The following VIT variants were observed in gnomAD, a reference collection of about 807,000 sequenced individuals.
VIT encodes vitrin.
In VIT, 99 loss-of-function variants were observed where a neutral mutation model predicts 78.0. The ratio of observed to expected loss-of-function variants is 1.27; its 90% CI spans 1.08 to 1.50. VIT has a LOEUF of 1.50. Ranked by LOEUF, VIT falls within the 40% of genes most tolerant of loss-of-function variation. The pLI, the probability that VIT is intolerant of heterozygous loss-of-function variation, is 0.00. For missense variants in VIT, 1,126 were observed against 875.3 expected (o/e 1.29, Z -3.61); for synonymous variants, 374 against 334.3 (o/e 1.12, Z -1.29).
intron 1 of VIT, among the ~76,000 whole-genome samples, chr2:36,699,774 C>T (rs73924156): frequency 0.011 from 1,601 of 152,192 alleles, 38 homozygotes; most frequent in African/African-American, 0.036. Flanking sequence ...TAACCCCATT[C>T]GGAAAGAATG....
intron 11 of VIT, among the ~76,000 whole-genome samples, chr2:36,784,963 AG>A (rs1455894468): frequency 5.8e-4 from 88 of 152,378 alleles, no homozygotes; most frequent in African/African-American, 2.0e-3. Flanking sequence ...AAGCAAATAG[AG>A]AAACAGCTCA....
chr2:36,780,931 C>A (rs1426654458), intron 9 of VIT, among the ~76,000 whole-genome samples: 3 of 152,040 alleles, frequency 2.0e-5, no homozygotes, highest in Admixed American at 6.6e-5. Context: ...TTGTGCTGTC[C>A]CTGAGCCCCT....
intron 12 of VIT, among the ~76,000 whole-genome samples, chr2:36,799,044 A>G (rs1342241901): frequency 3.9e-5 from 6 of 152,040 alleles, no homozygotes; most frequent in Admixed American, 3.9e-4. Context: ...AATTTCATCT[A>G]TTTGGGTTTT....
chr2:36,738,063 A>G (rs1232512083), intron 3 of VIT, among the ~76,000 whole-genome samples: 1 of 152,218 alleles, frequency 6.6e-6, no homozygotes, highest in African/African-American at 2.4e-5. Flanking sequence ...CTTTGCAGGT[A>G]TTTGGGGTAA....
intron 12 of VIT, among the ~76,000 whole-genome samples, chr2:36,800,068 C>T (rs368623783): frequency 6.7e-5 from 10 of 148,546 alleles, no homozygotes; most frequent in South Asian, 2.2e-4. Flanking sequence ...AAAAAATGGC[C>T]GGGCACGGTG....
intron 2 of VIT, 56 bp from the exon 3 acceptor site, chr2:36,729,370 G>A: frequency 6.8e-7 from 1 of 1,473,022 alleles, no homozygotes; most frequent in Non-Finnish European, 9.2e-7. Flanking sequence ...AGTCAAAAGA[G>A]AAAGAATTTA....
intron 9 of VIT, among the ~76,000 whole-genome samples, chr2:36,776,340 A>G (rs966018827): frequency 1.3e-5 from 2 of 152,190 alleles, no homozygotes; most frequent in Middle Eastern, 3.2e-3. Flanking sequence ...ACATATCACA[A>G]CTGACTGCAG....
chr2:36,805,507 A>G lies in VIT; in HGVS notation c.1232A>G (p.Asn411Ser). ...AATGGAAACAGAAGCGGGGCTCCCA[A>G]TGTGGTGGTGGTGATGGTGGATGGC... ...KANGNRSGAPNVVVVMVDGWP... is the reference protein window; with the variant it reads ...KANGNRSGAPSVVVVMVDGWP... The change falls in exon 14 of 16, where the codon AAT (asparagine) becomes AGT (serine). Residue 411 changes from asparagine (N) to serine (S), a missense_variant. Physicochemically the swap from Asn to Ser is conservative, Grantham distance 46. Coordinates refer to ENST00000379242, the MANE Select transcript of VIT (RefSeq NM_053276.4). 3 of 1,614,028 alleles carry G rather than the reference A, an allele frequency of 1.9e-6. No homozygotes were observed. Among genetic ancestry groups the G allele is most frequent in the Non-Finnish European group, 2.5e-6 (3 of 1,179,978 alleles).
At chr2:36,791,805 G>C (rs942007369) in intron 12 of VIT, among the ~76,000 whole-genome samples, 1 of 152,210 alleles carries the variant, frequency 6.6e-6, no homozygotes, top group African/African-American at 2.4e-5. Context: ...TCGGACTTGG[G>C]ACCTCCGGAA....
chr2:36,758,921 C>T, intron 5 of VIT, 48 bp from the exon 6 acceptor site: 1 of 1,540,282 alleles, frequency 6.5e-7, no homozygotes, highest in Non-Finnish European at 9.0e-7. Flanking sequence ...CCATCTAAAA[C>T]CTCTAGCTCT....
In VIT at chr2:36,709,224, G is replaced by A. The variant is rs371372845; in HGVS notation, c.-18-7129G>A. On this transcript the variant is annotated intron_variant, in intron 1 of 15. Coordinates refer to ENST00000379242, the MANE Select transcript of VIT (RefSeq NM_053276.4). Reference sequence around the variant, plus strand: ...TAGAATGAAGATGGAGTAAGTGCACGTACTATGAAACAGCTATGGCAAGGG... The same window carrying A: ...TAGAATGAAGATGGAGTAAGTGCACATACTATGAAACAGCTATGGCAAGGG... Among the ~76,000 whole-genome samples the A allele has an allele frequency of 5.1e-4, 78 of 152,262 alleles. 1 individual carries two copies. The South Asian group carries it at 0.015, about 29-fold the overall frequency.
Position 36,808,530 on chromosome 2 carries a change from A to G in VIT, c.1448A>G (p.His483Arg), listed in dbSNP as rs1216617275. 2.5e-6 allele frequency: 4 copies of G among 1,613,870 alleles called. No individual in the cohort carries two copies. Among genetic ancestry groups the G allele is most frequent in the South Asian group, 1.1e-5 (1 of 91,086 alleles). The stretch of plus-strand genomic sequence containing the variant: ...CACGTGCAGAGCTGGTTTGGCCTCC[A>G]CAAGACCCTGCAGCCTCTGGTGAAG... ...SLHVQSWFGLHKTLQPLVKRV... is the reference protein window; with the variant it reads ...SLHVQSWFGLRKTLQPLVKRV... The change falls in exon 15 of 16, where the codon CAC becomes CGC. Residue 483 changes from histidine (H) to arginine (R), a missense_variant. His to Arg is a conservative substitution (Grantham distance 29, BLOSUM62 0). Coordinates refer to ENST00000379242, the MANE Select transcript of VIT (RefSeq NM_053276.4).
At chr2:36,790,555 T>C (rs1280738728) in intron 12 of VIT, among the ~76,000 whole-genome samples, 1 of 152,100 alleles carries the variant, frequency 6.6e-6, no homozygotes, top group East Asian at 1.9e-4. Context: ...CCTACCACAC[T>C]CATCACACGC....
At chr2:36,755,955 A>ATTTTTTTTTTTTTTTTTTTTTTTTTTTTT (rs58344336) in intron 5 of VIT, among the ~76,000 whole-genome samples, 1 of 108,620 alleles carries the variant, frequency 9.2e-6, no homozygotes, top group Non-Finnish European at 1.8e-5. Context: ...ACAACACAGT[A>ATTTTTTTTTTTTTTTTTTTTTTTTTTTTT]TTTTTTTTTT....
intron 12 of VIT, among the ~76,000 whole-genome samples, chr2:36,793,671 A>G (rs1310776065): frequency 6.6e-6 from 1 of 152,052 alleles, no homozygotes; most frequent in Non-Finnish European, 1.5e-5. Context: ...AAAAGGCTAA[A>G]TAGTTATGTT....
In VIT at chr2:36,736,539, G is replaced by A. The variant is rs374505303; in HGVS notation, c.119-6561G>A. 5.9e-5 allele frequency among the ~76,000 whole-genome samples: 9 copies of A among 152,358 alleles called. No individual in the cohort carries two copies. In the East Asian group the frequency reaches 1.3e-3, roughly 23 times the overall value. On this transcript the variant is annotated intron_variant, in intron 3 of 15. Coordinates refer to ENST00000379242, the MANE Select transcript of VIT (RefSeq NM_053276.4). ...ATAATGAAGCTGCAGAAGAGCCCCA[G>A]AAGCAATGGCCTTAGTCCAAAGTGG...
intron 6 of VIT, among the ~76,000 whole-genome samples, chr2:36,760,908 G>A (rs920603843): frequency 3.3e-5 from 5 of 152,150 alleles, no homozygotes; most frequent in Admixed American, 6.5e-5. Flanking sequence ...CTCCCTCCTC[G>A]CATTTTGCTG....
chr2:36,805,211 G>A (rs77297937), intron 13 of VIT, among the ~76,000 whole-genome samples: 4,370 of 151,796 alleles, frequency 0.029, 190 homozygotes, highest in East Asian at 0.17. Flanking sequence ...GGCTGAGGTG[G>A]GAGGGTTGAT....
intron 12 of VIT, among the ~76,000 whole-genome samples, chr2:36,789,452 G>C (rs1665332642): frequency 6.6e-6 from 1 of 152,186 alleles, no homozygotes; most frequent in African/African-American, 2.4e-5. Flanking sequence ...GAGGTGGGGT[G>C]ATCAATGACG....
Sources: allele counts gnomAD v4.1 joint callset (sites outside exome capture counted in the v4.1 genomes callset), GRCh38; gene constraint gnomAD v4.1.1; transcripts MANE v1.5; gene names NCBI Gene and HGNC (gene_info 2026-07-23, HGNC 2026-07-21).